Variants in KPNA6 observed in about 807,000 individuals in gnomAD.
KPNA6 encodes karyopherin subunit alpha 6.
In KPNA6, 9 loss-of-function variants were observed where a neutral mutation model predicts 72.0. The observed-to-expected ratio is 0.13, with a 90% CI of 0.08 to 0.22. The LOEUF (loss-of-function observed/expected upper bound fraction) is 0.22. KPNA6 is among the 10% of genes least tolerant of loss of function. The pLI is 1.00. For missense variants in KPNA6, 374 were observed against 655.7 expected (o/e 0.57, Z 4.69); for synonymous variants, 219 against 242.1 (o/e 0.90, Z 0.89).
intron 1 of KPNA6, among the ~76,000 whole-genome samples, chr1:32,145,276 G>A (rs911393633): frequency 3.4e-5 from 5 of 145,838 alleles, no homozygotes; most frequent in Non-Finnish European, 7.5e-5. Context: ...TTTTATATAC[G>A]TTTTTCAGTC....
chr1:32,162,084 G>A (rs1298540104), intron 8 of KPNA6, 38 bp downstream of exon 8: 3 of 1,516,544 alleles, frequency 2.0e-6, no homozygotes, highest in Middle Eastern at 1.7e-4. Flanking sequence ...GTGACATCAG[G>A]TTCCTTCATA....
At chr1:32,162,242 A>AGGGTCT in intron 8 of KPNA6, 119 bp from the exon 9 acceptor site, 1 of 1,047,152 alleles carries the variant, frequency 9.5e-7, no homozygotes, top group Admixed American at 2.2e-5. Context: ...AGCGATCCCT[A>AGGGTCT]GGGTCTGGAA....
Position 32,157,399 on chromosome 1 carries a change from C to T in KPNA6, c.285C>T (p.Asp95=). ...AGATGCTCTTTTCTGATGATTCTGA[C>T]CTGCAGTTAGCAACCACACAGAAAT... ...MVEMLFSDDS[D]LQLATTQKFR... Residue 95 remains aspartate, a synonymous_variant, in exon 4 of 14, where the codon GAC becomes GAT. Coordinates refer to ENST00000373625, the MANE Select transcript of KPNA6 (RefSeq NM_012316.5). The T allele has an allele frequency of 6.2e-7, 1 of 1,614,022 alleles. No homozygotes were observed. Among genetic ancestry groups the T allele is most frequent in the Non-Finnish European group, 8.5e-7 (1 of 1,179,926 alleles).
Position 32,162,399 on chromosome 1 carries a change from C to T in KPNA6, c.786C>T (p.Phe262=). ...PCLPVLSRLL[F]SSDSDLLADA... is the part of the protein sequence containing the mutation. Reference sequence around the variant, plus strand: ...TGCCTGTACTGTCTCGCCTACTCTTCAGCAGCGACTCGGACTTGCTGGCAG... The same window carrying T: ...TGCCTGTACTGTCTCGCCTACTCTTTAGCAGCGACTCGGACTTGCTGGCAG... Residue 262 remains phenylalanine (F), a synonymous_variant, in exon 9 of 14, where the codon TTC becomes TTT. Coordinates refer to ENST00000373625, the MANE Select transcript of KPNA6 (RefSeq NM_012316.5). 2 of 1,612,784 alleles carry T rather than the reference C, an allele frequency of 1.2e-6. No homozygotes were observed. Among genetic ancestry groups the T allele is most frequent in the Non-Finnish European group, 1.7e-6 (2 of 1,179,290 alleles).
Position 32,175,310 on chromosome 1 carries a change from C to T in KPNA6, c.*4416C>T, listed in dbSNP as rs1642507368. On this transcript the variant is annotated 3_prime_UTR_variant, in exon 14 of 14. Coordinates refer to ENST00000373625, the MANE Select transcript of KPNA6 (RefSeq NM_012316.5). ...TGTATCTTAGTGGCCTGCCTAGCTG[C>T]CTCTGGGCCAGGCTGACTTCTGATG... 6.6e-6 allele frequency: 1 copy of T among 152,312 alleles called. No individual in the cohort carries two copies. The highest frequency in any genetic ancestry group is 2.4e-5 in the African/African-American group (1 of 41,460). The allele number at this position is 152,312 out of a possible 1,614,324, so 9.4% of individuals were successfully genotyped here. A position where few individuals can be genotyped will look rare whatever the true frequency, so the allele number is the denominator to read the frequency against.
rs1216789422 is a variant in KPNA6 at position 32,158,280 on chromosome 1, A to G, written c.345A>G (p.Pro115=). 2 of 1,611,882 alleles carry G rather than the reference A, an allele frequency of 1.2e-6. No individual in the cohort carries two copies. Among genetic ancestry groups the G allele is most frequent in the Non-Finnish European group, 1.7e-6 (2 of 1,178,208 alleles). The change falls in exon 5 of 14, where the codon CCA becomes CCG. Residue 115 remains proline, a synonymous_variant. Transcript: ENST00000373625. ...TCCCTTATCCAGAGCCTAGTCCTCC[A>G]ATAGATGAAGTTATCAACACTCCAA... ...RKLLSKEPSP[P]IDEVINTPRV... is the part of the protein sequence containing the mutation.
chr1:32,158,269 C>G lies in KPNA6; in HGVS notation c.334C>G (p.Pro112Ala). ...QKFRKLLSKE[P>A]SPPIDEVINT... ...ATTTTCCCTTCTCCCTTATCCAGAG[C>G]CTAGTCCTCCAATAGATGAAGTTAT... Residue 112 changes from proline (P) to alanine (A), a missense_variant and splice_region_variant, in exon 5 of 14, where the codon CCT (proline) becomes GCT (alanine). This residue lies in a region of KPNA6 where 298 missense variants were observed against 495.4 expected (regional missense o/e 0.60). Transcript: ENST00000373625. The G allele has an allele frequency of 6.2e-7, 1 of 1,607,196 alleles. No homozygotes were observed. The highest frequency in any genetic ancestry group is 1.7e-5 in the Admixed American group (1 of 59,880).
In KPNA6 at chr1:32,138,591, G is replaced by A. The variant is rs908787834; in HGVS notation, c.5-15997G>A. On this transcript the variant is annotated intron_variant, in intron 1 of 13. Coordinates refer to ENST00000373625, the MANE Select transcript of KPNA6 (RefSeq NM_012316.5). ...ATGGAGGTGGAAGCTAAGGGAGATC[G>A]TGAGCTTGGAGTGGGGGCTCCTCCT... Among the ~76,000 whole-genome samples the A allele has an allele frequency of 2.6e-5, 4 of 151,418 alleles. No homozygotes were observed. In the East Asian group the frequency reaches 5.8e-4, roughly 22 times the overall value.
chr1:32,128,964 A>T (rs1172913619), intron 1 of KPNA6, among the ~76,000 whole-genome samples: 2 of 152,146 alleles, frequency 1.3e-5, no homozygotes, highest in Admixed American at 1.3e-4. Context: ...ATACAGATAA[A>T]TAATACCCAA....
chr1:32,132,373 A>G (rs1351723192), intron 1 of KPNA6, among the ~76,000 whole-genome samples: 1 of 152,186 alleles, frequency 6.6e-6, no homozygotes, highest in African/African-American at 2.4e-5. Context: ...ATCACAGCTC[A>G]CTACAGCCTC....
At chr1:32,122,706 A>T (rs1641455737) in intron 1 of KPNA6, among the ~76,000 whole-genome samples, 1 of 152,122 alleles carries the variant, frequency 6.6e-6, no homozygotes, top group Non-Finnish European at 1.5e-5. Context: ...CTGTAATCCT[A>T]GTACTTTGGG....
intron 1 of KPNA6, among the ~76,000 whole-genome samples, chr1:32,134,898 T>A (rs548234746): frequency 6.6e-5 from 10 of 151,542 alleles, no homozygotes; most frequent in South Asian, 2.1e-4. Context: ...TTATTTATTT[T>A]TTTTTTACTT....
intron 12 of KPNA6, 74 bp from the exon 13 acceptor site, chr1:32,169,808 A>G (rs1642405046): frequency 1.5e-6 from 2 of 1,323,262 alleles, no homozygotes. Flanking sequence ...TGGGTTGCTG[A>G]GAGTTCAGAG....
At position 32,114,451 on chromosome 1, in the gene KPNA6, A is replaced by AT. The variant is rs1553125090; in HGVS notation, c.4+6317_4+6318insT. Among the ~76,000 whole-genome samples, 1,096 of 145,520 alleles carry AT rather than the reference A, an allele frequency of 7.5e-3. 8 individuals carry two copies. Among genetic ancestry groups the AT allele is most frequent in the African/African-American group, 0.021 (813 of 39,624 alleles). On this transcript the variant is annotated intron_variant, in intron 1 of 13. Coordinates refer to ENST00000373625, the MANE Select transcript of KPNA6 (RefSeq NM_012316.5). Reference sequence around the variant, plus strand: ...AACGAAACTCTGTCTCAAAAAAAAAAATATATATATATATATATATATTCA... The same window carrying AT: ...AACGAAACTCTGTCTCAAAAAAAAAATATATATATATATATATATATATTCA...
At chr1:32,140,778 G>C (rs1354858467) in intron 1 of KPNA6, among the ~76,000 whole-genome samples, 1 of 152,170 alleles carries the variant, frequency 6.6e-6, no homozygotes, top group Non-Finnish European at 1.5e-5. Flanking sequence ...TTAGCTGGCA[G>C]AGTTACAACA....
At chr1:32,124,989 C>T (rs1318414700) in intron 1 of KPNA6, among the ~76,000 whole-genome samples, 4 of 152,034 alleles carry the variant, frequency 2.6e-5, no homozygotes, top group South Asian at 4.1e-4. Flanking sequence ...GGACTACCGG[C>T]GCATGCCACC....
At position 32,176,284 on chromosome 1, in the gene KPNA6, G is replaced by A. The variant is rs1376162828; in HGVS notation, c.*5390G>A. 6.6e-6 allele frequency: 1 copy of A among 151,838 alleles called. No individual in the cohort carries two copies. Among genetic ancestry groups the A allele is most frequent in the Non-Finnish European group, 1.5e-5 (1 of 67,976 alleles). 9.4% of individuals were successfully genotyped at this position (151,838 alleles called of 1,614,324 possible). ...GGTTACCAGCTATGGACCCTTGGAA[G>A]ATGAATCTAATCCTTCTCACTGGTT... On this transcript the variant is annotated 3_prime_UTR_variant, in exon 14 of 14. Coordinates refer to ENST00000373625, the MANE Select transcript of KPNA6 (RefSeq NM_012316.5).
chr1:32,148,342 C>T (rs1473380901), intron 1 of KPNA6, among the ~76,000 whole-genome samples: 1 of 151,710 alleles, frequency 6.6e-6, no homozygotes, highest in East Asian at 2.0e-4. Flanking sequence ...CAGGGTTTCA[C>T]CCTGTTGGCC....
In KPNA6 at chr1:32,171,799, C is replaced by T. The variant is rs1320425387; in HGVS notation, c.*905C>T. On this transcript the variant is annotated 3_prime_UTR_variant, in exon 14 of 14. Transcript: ENST00000373625. ...ATTTGTTTACTTGAAAATTCCCCCT[C>T]GAGGTTGAGAGAACCTCTGAGGTGG... 3.3e-5 allele frequency: 5 copies of T among 152,264 alleles called. No individual in the cohort carries two copies. Among genetic ancestry groups the T allele is most frequent in the Admixed American group, 2.0e-4 (3 of 15,292 alleles). The allele number at this position is 152,264 out of a possible 1,614,324, so 9.4% of individuals were successfully genotyped here. A position where few individuals can be genotyped will look rare whatever the true frequency, so the allele number is the denominator to read the frequency against.
Sources: gnomAD v4.1 joint callset for allele counts (sites outside exome capture counted in the v4.1 genomes callset) on GRCh38, gnomAD v4.1.1 for gene constraint, gnomAD v4.1.1 regional missense constraint, MANE v1.5 for transcripts, NCBI Gene and HGNC (gene_info 2026-07-23, HGNC 2026-07-21) for gene names.